ABCB1: variants seen among roughly 807,000 people sequenced by gnomAD.
The protein encoded by ABCB1 is ATP-dependent translocase ABCB1.
A neutral mutation model predicts 142.0 loss-of-function variants in ABCB1; 69 were observed. The observed-to-expected ratio is 0.49, with a 90% confidence interval of 0.40 to 0.59. The LOEUF is 0.59. ABCB1 is among the 20% of genes least tolerant of loss of function. The probability of loss-of-function intolerance (pLI) is 0.00; values close to 1 mark genes in which losing one functional copy is unlikely to be tolerated. For synonymous variants in ABCB1, 532 were observed against 539.2 expected, an observed-to-expected ratio of 0.99 and a Z score of 0.18; for missense variants, 1,326 against 1,554.7, an observed-to-expected ratio of 0.85 and a Z score of 2.47.
At chr7:87,551,096 G>A (rs571179293) in intron 9 of ABCB1, among the ~76,000 whole-genome samples, 11 of 151,624 alleles carry the variant, frequency 7.3e-5, no homozygotes, top group South Asian at 2.1e-4. Context: ...ATCATAGCTC[G>A]TCATAACCTC....
chr7:87,657,417 C>T (rs1034878658), intron 1 of ABCB1, among the ~76,000 whole-genome samples: 2 of 152,126 alleles, frequency 1.3e-5, no homozygotes, highest in African/African-American at 2.4e-5. Flanking sequence ...ACAAAAAAAC[C>T]GTAGTACCAC....
chr7:87,688,579 T>C (rs1330778060), intron 1 of ABCB1, among the ~76,000 whole-genome samples: 2 of 151,990 alleles, frequency 1.3e-5, no homozygotes, highest in African/African-American at 2.4e-5. Flanking sequence ...TTTTGATCAG[T>C]AGTGACCTTT....
In ABCB1 at chr7:87,566,229, C is replaced by G. The variant is rs2129809677; in HGVS notation, c.543G>C (p.Lys181Asn). The G allele has an allele frequency of 6.2e-7, 1 of 1,613,964 alleles. No homozygotes were observed. Among genetic ancestry groups the G allele is most frequent in the Non-Finnish European group, 8.5e-7 (1 of 1,179,834 alleles). The stretch of plus-strand genomic sequence containing the variant: ...TTTTGTCACCAATTCCTTCATTAAT[C>G]TTGGAGACATCACTGAAAGAACAGA... ...LNTRLTDDVS[K>N]INEGIGDKIG... is the part of the protein sequence containing the mutation. Residue 181 changes from lysine (K) to asparagine (N), a missense_variant, in exon 7 of 28, where the codon AAG (lysine) becomes AAC (asparagine). Coordinates refer to ENST00000622132, the MANE Select transcript of ABCB1 (RefSeq NM_001348946.2).
At chr7:87,610,367 A>G (rs1020361552) in intron 1 of ABCB1, among the ~76,000 whole-genome samples, 8 of 131,510 alleles carry the variant, frequency 6.1e-5, no homozygotes, top group Admixed American at 5.0e-4. Flanking sequence ...CCTCCAGAGT[A>G]GCTGGGACTA....
chr7:87,593,454 T>G (rs1178752774), intron 3 of ABCB1, among the ~76,000 whole-genome samples: 1 of 152,210 alleles, frequency 6.6e-6, no homozygotes, highest in Non-Finnish European at 1.5e-5. Context: ...GGAAATAAAT[T>G]AACAGACATT....
At chr7:87,660,914 TTGGTTTGTA>T (rs1824637273) in intron 1 of ABCB1, among the ~76,000 whole-genome samples, 1 of 151,990 alleles carries the variant, frequency 6.6e-6, no homozygotes, top group East Asian at 1.9e-4. Flanking sequence ...TAGTCAGAAT[TTGGTTTGTA>T]TGGTAGATTT....
intron 1 of ABCB1, among the ~76,000 whole-genome samples, chr7:87,671,251 C>T (rs148262945): frequency 8.2e-4 from 125 of 152,254 alleles, no homozygotes; most frequent in African/African-American, 2.8e-3. Context: ...GGTGTGGACA[C>T]GACACTTAGG....
intron 2 of ABCB1, 65 bp downstream of exon 2, chr7:87,600,052 G>A: frequency 1.4e-6 from 2 of 1,405,274 alleles, no homozygotes; most frequent in Non-Finnish European, 2.0e-6. Flanking sequence ...CAGAGCTGGA[G>A]GCTAGAAATA....
At chr7:87,653,588 G>A (rs763450120) in intron 1 of ABCB1, among the ~76,000 whole-genome samples, 6 of 152,054 alleles carry the variant, frequency 3.9e-5, no homozygotes, top group Non-Finnish European at 7.4e-5. Flanking sequence ...GGACAGGTTA[G>A]ATTATTTGAA....
chr7:87,610,218 C>T (rs1192868673), intron 1 of ABCB1, among the ~76,000 whole-genome samples: 2 of 148,308 alleles, frequency 1.3e-5, no homozygotes, highest in South Asian at 2.1e-4. Context: ...TATGTACGAA[C>T]TAGCTTTTTC....
chr7:87,694,094 G>GT, intron 1 of ABCB1: 4 of 1,416,384 alleles, frequency 2.8e-6, no homozygotes, highest in Non-Finnish European at 3.7e-6. Context: ...TTTTTTGTGT[G>GT]TTTTTGTTTT....
At chr7:87,563,076 T>C (rs1817635927) in intron 7 of ABCB1, among the ~76,000 whole-genome samples, 1 of 152,166 alleles carries the variant, frequency 6.6e-6, no homozygotes, top group Admixed American at 6.6e-5. Flanking sequence ...AATGGATAAA[T>C]TACTGAACAC....
In ABCB1 at chr7:87,594,567, G is replaced by C. The variant is rs143173530; in HGVS notation, c.117+1199C>G. ...AAAGTGACAGCACTGAAATCCTGGGGATAAATACAACTTTAACCTAAACGC... is the reference window on the plus strand; with the variant it reads ...AAAGTGACAGCACTGAAATCCTGGGCATAAATACAACTTTAACCTAAACGC... On this transcript the variant is annotated intron_variant, in intron 3 of 27. Transcript: ENST00000622132. Among the ~76,000 whole-genome samples, 772 of 152,264 alleles carry C rather than the reference G, an allele frequency of 5.1e-3. 10 individuals are homozygous for C. Among genetic ancestry groups the C allele is most frequent in the African/African-American group, 0.017 (724 of 41,542 alleles).
chr7:87,534,876 C>G (rs896654244), intron 20 of ABCB1, among the ~76,000 whole-genome samples: 53 of 143,088 alleles, frequency 3.7e-4, no homozygotes, highest in Admixed American at 3.2e-3. Flanking sequence ...AATCATGCCA[C>G]TGCAGTCTGG....
intron 7 of ABCB1, among the ~76,000 whole-genome samples, chr7:87,563,095 T>C (rs1242515146): frequency 6.6e-6 from 1 of 152,052 alleles, no homozygotes; most frequent in Non-Finnish European, 1.5e-5. Flanking sequence ...ACATACATCC[T>C]CCCAAGACTG....
In ABCB1 at chr7:87,585,496, C is replaced by A; in HGVS notation, c.286+16G>T. The A allele has an allele frequency of 6.2e-7, 1 of 1,612,544 alleles. No homozygotes were observed. Among genetic ancestry groups the A allele is most frequent in the Non-Finnish European group, 8.5e-7 (1 of 1,179,456 alleles). ...CTGCAAGTTTCCAATAAAATTGGTA[C>A]ACAAACAATACTTACTTCTATTAGT... On this transcript the variant is annotated intron_variant, in intron 4 of 27. Transcript: ENST00000622132.
chr7:87,513,959 T>C (rs4148750), intron 25 of ABCB1, among the ~76,000 whole-genome samples: 25,427 of 152,116 alleles, frequency 0.17, 4,046 homozygotes, highest in African/African-American at 0.4. Flanking sequence ...TGTTTTTAAG[T>C]TCACCACAAA....
rs199661708 is a variant in ABCB1, at chr7:87,531,411, T to C, written c.2568A>G (p.Gln856=). The stretch of plus-strand genomic sequence containing the variant: ...CAATTGCTAAGAGTAACAGTGTTAG[T>C]TGCCAACCATAGATGAAGGATATAA... ...GIIISFIYGW[Q]LTLLLLAIVP... Residue 856 remains glutamine (Q), a synonymous_variant, in exon 21 of 28, where the codon CAA becomes CAG. Coordinates refer to ENST00000622132, the MANE Select transcript of ABCB1 (RefSeq NM_001348946.2). The C allele has an allele frequency of 5.0e-5, 80 of 1,613,458 alleles. No homozygotes were observed. The highest frequency in any genetic ancestry group is 1.6e-4 in the Middle Eastern group (1 of 6,072).
At chr7:87,534,389 A>G (rs1816187732) in intron 20 of ABCB1, among the ~76,000 whole-genome samples, 1 of 152,176 alleles carries the variant, frequency 6.6e-6, no homozygotes, top group Non-Finnish European at 1.5e-5. Context: ...TTCCTCCTAC[A>G]GAGTAGGAGT....
Sources: gnomAD v4.1 joint callset for allele counts (sites outside exome capture counted in the v4.1 genomes callset) on GRCh38, gnomAD v4.1.1 for gene constraint, MANE v1.5 for transcripts, NCBI Gene and HGNC (gene_info 2026-07-23, HGNC 2026-07-21) for gene names.